GALNT17: variants seen among roughly 807,000 people sequenced by gnomAD.
The protein encoded by GALNT17 is UDP-GalNAc:polypeptide N-acetylgalactosaminyltransferase-like 3.
Under a neutral mutation model 63.7 loss-of-function variants are expected in GALNT17, and 29 were observed. The observed-to-expected ratio is 0.46, with a 90% CI of 0.34 to 0.62. The LOEUF is 0.62. Ranked by LOEUF, GALNT17 falls within the 20% of genes least tolerant of loss-of-function variation. GALNT17 has a pLI of 0.01. For missense variants in GALNT17, 603 were observed against 799.6 expected, an observed-to-expected ratio of 0.75 and a Z score of 2.97; for synonymous variants, 305 against 318.3, an observed-to-expected ratio of 0.96 and a Z score of 0.45.
At chr7:71,214,808 C>T (rs1178956522) in intron 1 of GALNT17, among the ~76,000 whole-genome samples, 1 of 152,124 alleles carries the variant, frequency 6.6e-6, no homozygotes, top group Non-Finnish European at 1.5e-5. Flanking sequence ...GAACTCCTGA[C>T]CTCAGGCAAT....
chr7:71,482,571 C>T (rs1229348982), intron 5 of GALNT17, among the ~76,000 whole-genome samples: 3 of 152,178 alleles, frequency 2.0e-5, no homozygotes, highest in Non-Finnish European at 2.9e-5. Context: ...TATGGTAAAG[C>T]GTGTTGCTCC....
chr7:71,528,963 C>T (rs558746075), intron 5 of GALNT17, among the ~76,000 whole-genome samples: 180 of 151,990 alleles, frequency 1.2e-3, no homozygotes, highest in Non-Finnish European at 2.1e-3. Context: ...GGTGAAAGCC[C>T]GTCTCTACTA....
intron 6 of GALNT17, among the ~76,000 whole-genome samples, chr7:71,625,794 T>C (rs935233449): frequency 2.0e-5 from 3 of 152,216 alleles, no homozygotes; most frequent in Non-Finnish European, 2.9e-5. Context: ...CCATCTGTTA[T>C]GGGCTAAATT....
chr7:71,522,814 A>G (rs1788553257), intron 5 of GALNT17, among the ~76,000 whole-genome samples: 1 of 152,190 alleles, frequency 6.6e-6, no homozygotes, highest in East Asian at 1.9e-4. Flanking sequence ...GATTGATCTG[A>G]GGATGTTCGG....
intron 5 of GALNT17, among the ~76,000 whole-genome samples, chr7:71,511,448 C>G (rs1788354238): frequency 6.6e-6 from 1 of 152,160 alleles, no homozygotes; most frequent in South Asian, 2.1e-4. Flanking sequence ...TGAAGACTTT[C>G]ACGCAGTGGC....
At chr7:71,133,104 A>C in intron 1 of GALNT17, 64 bp downstream of exon 1, 2 of 1,372,334 alleles carry the variant, frequency 1.5e-6, no homozygotes, top group Non-Finnish European at 9.6e-7. Context: ...GGTGAGCCCC[A>C]GGGTCCTTGC....
intron 1 of GALNT17, among the ~76,000 whole-genome samples, chr7:71,179,268 T>C (rs920438408): frequency 3.9e-5 from 6 of 152,206 alleles, no homozygotes; most frequent in Non-Finnish European, 8.8e-5. Context: ...TTGTGTCTTA[T>C]CTACCTATGA....
intron 3 of GALNT17, among the ~76,000 whole-genome samples, chr7:71,412,375 CT>C (rs529402267): frequency 2.9e-3 from 420 of 145,624 alleles, no homozygotes; most frequent in Non-Finnish European, 3.8e-3. Flanking sequence ...CATCATCTCC[CT>C]TTTTTTTTTT....
intron 5 of GALNT17, among the ~76,000 whole-genome samples, chr7:71,474,049 T>C (rs1260834976): frequency 6.6e-6 from 1 of 152,186 alleles, no homozygotes; most frequent in Non-Finnish European, 1.5e-5. Context: ...GGATTACTTA[T>C]GAGTTTTCCA....
chr7:71,549,588 A>C (rs1449051102), intron 5 of GALNT17, among the ~76,000 whole-genome samples: 1 of 152,164 alleles, frequency 6.6e-6, no homozygotes, highest in Non-Finnish European at 1.5e-5. Context: ...AAATAGATAA[A>C]TAGGTAGATG....
intron 5 of GALNT17, among the ~76,000 whole-genome samples, chr7:71,439,552 A>G (rs1242969311): frequency 2.0e-5 from 3 of 152,214 alleles, no homozygotes; most frequent in African/African-American, 7.2e-5. Flanking sequence ...ACCGACATGC[A>G]CTGTGACAGC....
chr7:71,605,423 TAAA>T (rs1344283764), intron 6 of GALNT17, among the ~76,000 whole-genome samples: 1 of 151,740 alleles, frequency 6.6e-6, no homozygotes, highest in Admixed American at 6.6e-5. Context: ...CAATCTCTAC[TAAA>T]AATACAAAAA....
chr7:71,239,826 G>A (rs1789961478), intron 1 of GALNT17, among the ~76,000 whole-genome samples: 1 of 152,154 alleles, frequency 6.6e-6, no homozygotes, highest in African/African-American at 2.4e-5. Flanking sequence ...CATCCATTTA[G>A]GAAATGCTGA....
intron 5 of GALNT17, among the ~76,000 whole-genome samples, chr7:71,559,840 G>T (rs1261125772): frequency 1.3e-5 from 2 of 151,648 alleles, no homozygotes; most frequent in Non-Finnish European, 2.9e-5. Context: ...AGCTTGGAGT[G>T]CAGGTTCTTT....
At chr7:71,370,911 TTATGTTTCTTATACAAGCA>T (rs1172136682) in intron 2 of GALNT17, among the ~76,000 whole-genome samples, 1 of 139,760 alleles carries the variant, frequency 7.2e-6, no homozygotes, top group Non-Finnish European at 1.5e-5. Context: ...TCGTCTGACT[TTATGTTTCTTATACAAGCA>T]TATCGTGGGA....
At chr7:71,425,713 A>G (rs956930525) in intron 5 of GALNT17, among the ~76,000 whole-genome samples, 2 of 152,140 alleles carry the variant, frequency 1.3e-5, no homozygotes, top group African/African-American at 4.8e-5. Flanking sequence ...TGTTGTTCCC[A>G]GGATAGCTTT....
intron 5 of GALNT17, among the ~76,000 whole-genome samples, chr7:71,445,064 G>T (rs1183955698): frequency 2.0e-5 from 3 of 152,250 alleles, no homozygotes; most frequent in African/African-American, 7.2e-5. Context: ...ACATGTAGAG[G>T]AGGGGTCTCA....
intron 1 of GALNT17, among the ~76,000 whole-genome samples, chr7:71,293,235 G>T (rs1219485647): frequency 1.3e-5 from 2 of 152,138 alleles, no homozygotes; most frequent in Non-Finnish European, 2.9e-5. Flanking sequence ...GGGATTGCTG[G>T]ATCATGTGAT....
chr7:71,459,793 C>G (rs1404305335), intron 5 of GALNT17, among the ~76,000 whole-genome samples: 1 of 152,134 alleles, frequency 6.6e-6, no homozygotes, highest in Non-Finnish European at 1.5e-5. Context: ...AGTCTAGCAC[C>G]TTTTAAAGGT....
Sources: allele counts gnomAD v4.1 joint callset (sites outside exome capture counted in the v4.1 genomes callset), GRCh38; gene constraint gnomAD v4.1.1; transcripts MANE v1.5; gene names NCBI Gene and HGNC (gene_info 2026-07-23, HGNC 2026-07-21).